The following KDM6A variants were observed in gnomAD, a reference collection of about 807,000 sequenced individuals.
KDM6A encodes the protein lysine-specific demethylase 6A.
KDM6A carries 11 observed loss-of-function variants against 117.6 expected under a neutral mutation model. That is an observed-to-expected ratio of 0.09 (90% CI 0.06 to 0.15). KDM6A has a LOEUF of 0.15. Among genes scored for constraint, KDM6A ranks in the 10% least tolerant of loss-of-function variants. The pLI is 1.00. For missense variants in KDM6A, 799 were observed against 1,077.3 expected (o/e 0.74, Z 3.62); for synonymous variants, 384 against 396.1 (o/e 0.97, Z 0.36).
At chrX:44,968,552 A>T (rs374680992) in intron 3 of KDM6A, among the ~76,000 whole-genome samples, 2 of 113,175 alleles carry the variant, frequency 1.8e-5, no homozygotes, top group East Asian at 5.5e-4. Flanking sequence ...GCCCAAGCAT[A>T]TGTATTTAGA....
chrX:45,000,046 G>A (rs188494258), intron 4 of KDM6A, among the ~76,000 whole-genome samples: 4,147 of 111,712 alleles, frequency 0.037, 201 homozygotes, highest in African/African-American at 0.13. Context: ...TGGTGGTGGT[G>A]TTTGGGATGA....
chrX:45,087,312 C>G (rs767668862), intron 25 of KDM6A, among the ~76,000 whole-genome samples: 1 of 113,357 alleles, frequency 8.8e-6, no homozygotes, highest in Non-Finnish European at 1.9e-5. Context: ...TAATTTCTTA[C>G]TTTGGTTTAA....
chrX:45,079,035 G>T, intron 20 of KDM6A, 111 bp from the exon 21 acceptor site: 1 of 650,366 alleles, frequency 1.5e-6, no homozygotes. Flanking sequence ...TATGGGAACT[G>T]GATACAGTGC....
chrX:45,101,063 A>G (rs1381347924), intron 27 of KDM6A, among the ~76,000 whole-genome samples: 1 of 110,791 alleles, frequency 9.0e-6, no homozygotes, highest in African/African-American at 3.3e-5. Flanking sequence ...CCTTTTGTGT[A>G]TATGTGATCA....
At chrX:44,989,586 A>G (rs1036428587) in intron 4 of KDM6A, among the ~76,000 whole-genome samples, 1 of 111,792 alleles carries the variant, frequency 8.9e-6, no homozygotes, top group African/African-American at 3.3e-5. Context: ...ACACGTAAAC[A>G]TAATTAGTTT....
At chrX:45,076,973 T>C in intron 19 of KDM6A, 147 bp downstream of exon 19, 1 of 479,534 alleles carries the variant, frequency 2.1e-6, no homozygotes. Flanking sequence ...GGGGAAGATA[T>C]ATTCAAGAAG....
At chrX:44,925,631 T>C (rs1006263091) in intron 2 of KDM6A, among the ~76,000 whole-genome samples, 1 of 112,016 alleles carries the variant, frequency 8.9e-6, no homozygotes, top group Non-Finnish European at 1.9e-5. Flanking sequence ...GAATAGTATG[T>C]GACATAAAGT....
Position 45,044,111 on chromosome X carries a change from A to T in KDM6A, c.654+6422A>T, listed in dbSNP as rs1435118404. ...AGATGTGTAGTAGGCAATACCATCT[A>T]GGTTTGTGTAAGTATACTCTGATGT... On this transcript the variant is annotated intron_variant, in intron 8 of 29. Transcript: ENST00000611820. Among the ~76,000 whole-genome samples, 4 of 112,312 alleles carry T rather than the reference A, an allele frequency of 3.6e-5. 1 individual carries two copies. Among genetic ancestry groups the T allele is most frequent in the African/African-American group, 6.5e-5 (2 of 30,885 alleles).
chrX:44,984,648 G>A (rs2040103773), intron 4 of KDM6A, among the ~76,000 whole-genome samples: 1 of 111,563 alleles, frequency 9.0e-6, no homozygotes, highest in African/African-American at 3.3e-5. Flanking sequence ...AGTTTTCCCA[G>A]CACCATTTAT....
chrX:44,991,931 C>T (rs186254652), intron 4 of KDM6A, among the ~76,000 whole-genome samples: 4,251 of 110,464 alleles, frequency 0.038, 219 homozygotes, highest in African/African-American at 0.13. Flanking sequence ...TCAGGTGATC[C>T]GCCCGCCTCA....
chrX:45,085,900 A>G lies in KDM6A; in HGVS notation c.3625A>G (p.Ile1209Val). The G allele has an allele frequency of 1.7e-6, 2 of 1,206,321 alleles. No homozygotes were observed. Among genetic ancestry groups the G allele is most frequent in the Non-Finnish European group, 2.2e-6 (2 of 890,470 alleles). The change falls in exon 25 of 30, where the codon ATA becomes GTA. Residue 1209 changes from isoleucine (I) to valine (V), a missense_variant. Ile to Val is a conservative substitution (Grantham distance 29). Around this residue, in one of 8 missense-constraint regions of KDM6A, gnomAD observed 291 missense variants for 437.9 expected, o/e 0.66. Coordinates refer to ENST00000611820, the MANE Select transcript of KDM6A (RefSeq NM_001291415.2). ...AAATAACAACTTCTGTTCAGTTAAC[A>G]TAAATATTGGCCCAGGTGACTGTGA... ...QENNNFCSVN[I>V]NIGPGDCEWF...
chrX:45,030,425 G>C, intron 6 of KDM6A, among the ~76,000 whole-genome samples: 1 of 106,823 alleles, frequency 9.4e-6, no homozygotes, highest in Non-Finnish European at 1.9e-5. Context: ...GTATGCAGTA[G>C]ATTCCCTCCT....
chrX:44,939,948 A>T (rs970289172), intron 2 of KDM6A, among the ~76,000 whole-genome samples: 1 of 112,634 alleles, frequency 8.9e-6, no homozygotes, highest in African/African-American at 3.2e-5. Flanking sequence ...TTTTATATGC[A>T]CTGGGAAACC....
rs2045278675 is a variant in KDM6A at position 45,079,266 on chromosome X, T to C, written c.3215T>C (p.Ile1072Thr). The C allele has an allele frequency of 8.3e-7, 1 of 1,204,723 alleles. No individual in the cohort carries two copies. The highest frequency in any genetic ancestry group is 1.8e-5 in the South Asian group (1 of 56,703). Residue 1072 changes from isoleucine (I) to threonine (T), a missense_variant, in exon 21 of 30, where the codon ATC (isoleucine) becomes ACC (threonine). By Grantham distance (89) the Ile-to-Thr change is moderately conservative (BLOSUM62 -1). Coordinates refer to ENST00000611820, the MANE Select transcript of KDM6A (RefSeq NM_001291415.2). ...ENWDPTGTKK[I>T]WHCESNRSHT... ...TGGGATCCCACTGGAACAAAGAAAA[T>C]CTGGCATTGTGAAAGTAATAGATCT...
intron 27 of KDM6A, among the ~76,000 whole-genome samples, chrX:45,095,769 A>G (rs778129826): frequency 9.3e-4 from 104 of 111,900 alleles, no homozygotes; most frequent in South Asian, 1.9e-3. Context: ...TGGTAAGCCC[A>G]ACACTTCTCT....
rs917225162 is a variant in KDM6A, at chrX:45,049,624, T to C, written c.655-2085T>C. ...CATTTGTTAAGATAATTCATGAAGG[T>C]GGTTTTCCTAAAATTTAAATCTGAT... On this transcript the variant is annotated intron_variant, in intron 8 of 29. Coordinates refer to ENST00000611820, the MANE Select transcript of KDM6A (RefSeq NM_001291415.2). 3.6e-5 allele frequency among the ~76,000 whole-genome samples: 4 copies of C among 111,804 alleles called. No homozygotes were observed. In the East Asian group the frequency reaches 1.1e-3, roughly 31 times the overall value.
At chrX:44,952,676 A>G (rs2038088509) in intron 2 of KDM6A, among the ~76,000 whole-genome samples, 2 of 112,157 alleles carry the variant, frequency 1.8e-5, no homozygotes, top group African/African-American at 6.5e-5. Flanking sequence ...TATCATCTCG[A>G]AAATGTTAGA....
At position 44,975,659 on chromosome X, in the gene KDM6A, G is replaced by A. The variant is rs188696355; in HGVS notation, c.384+944G>A. ...TGTAATTCACATGCTATAAAATTCA[G>A]CTGTTTTAACTATACAAATCAGTGA... On this transcript the variant is annotated intron_variant, in intron 4 of 29. Transcript: ENST00000611820. Among the ~76,000 whole-genome samples, 23 of 111,436 alleles carry A rather than the reference G, an allele frequency of 2.1e-4. No homozygotes were observed. The East Asian group carries it at 5.6e-3, about 27-fold the overall frequency.
chrX:44,933,287 A>T (rs1366292802), intron 2 of KDM6A, among the ~76,000 whole-genome samples: 5 of 27,520 alleles, frequency 1.8e-4, no homozygotes, highest in African/African-American at 1.9e-4. Context: ...TTTTTTTTTG[A>T]GACGGAGTCT....
Sources: allele counts gnomAD v4.1 joint callset (sites outside exome capture counted in the v4.1 genomes callset), GRCh38; gene constraint gnomAD v4.1.1; regional missense constraint gnomAD v4.1.1; transcripts MANE v1.5; gene names NCBI Gene and HGNC (gene_info 2026-07-23, HGNC 2026-07-21).